The following LONRF2 variants were observed in gnomAD, a reference collection of about 807,000 sequenced individuals.
LONRF2 encodes LON peptidase N-terminal domain and ring finger 2, also known as LON peptidase N-terminal domain and RING finger protein 2.
A neutral mutation model predicts 66.6 loss-of-function variants in LONRF2; 35 were observed. The observed-to-expected ratio is 0.53, with a 90% CI of 0.40 to 0.70. The LOEUF is 0.70. LONRF2 is among the 30% of genes least tolerant of loss of function. LONRF2 has a pLI of 0.00. For synonymous variants in LONRF2, 417 were observed against 418.1 expected (o/e 1.00, Z 0.03); for missense variants, 902 against 1,002.1 (o/e 0.90, Z 1.35).
At chr2:100,307,369 C>G (rs1675319900) in intron 2 of LONRF2, among the ~76,000 whole-genome samples, 1 of 152,202 alleles carries the variant, frequency 6.6e-6, no homozygotes, top group Admixed American at 6.5e-5. Flanking sequence ...TGCTGCCTCC[C>G]TTGACAAGTT....
chr2:100,290,571 C>T (rs1226556175), intron 9 of LONRF2, 151 bp from the exon 10 acceptor site: 2 of 747,794 alleles, frequency 2.7e-6, no homozygotes, highest in African/African-American at 3.6e-5. Flanking sequence ...CGCTAAGAGA[C>T]ACGTGCACAT....
At chr2:100,289,448 T>C (rs1369518021) in intron 10 of LONRF2, among the ~76,000 whole-genome samples, 1 of 146,138 alleles carries the variant, frequency 6.8e-6, no homozygotes, top group Non-Finnish European at 1.5e-5. Context: ...TTTTTTTTTT[T>C]TTTTTGAGAT....
At chr2:100,290,750 G>A (rs1385322438) in intron 9 of LONRF2, among the ~76,000 whole-genome samples, 1 of 152,118 alleles carries the variant, frequency 6.6e-6, no homozygotes, top group East Asian at 1.9e-4. Context: ...CCACCTTGGC[G>A]GGGCACCATC....
At chr2:100,297,151 C>T (rs1181706181) in intron 7 of LONRF2, among the ~76,000 whole-genome samples, 4 of 150,940 alleles carry the variant, frequency 2.7e-5, no homozygotes, top group African/African-American at 9.8e-5. Context: ...CTTTTTGAGA[C>T]AGAGTCTCGC....
intron 1 of LONRF2, among the ~76,000 whole-genome samples, chr2:100,317,879 C>T (rs1467015427): frequency 6.6e-6 from 1 of 152,070 alleles, no homozygotes; most frequent in Non-Finnish European, 1.5e-5. Flanking sequence ...TTTAAATTCT[C>T]TTTATCTTTG....
At chr2:100,310,518 G>A (rs1446078554) in intron 1 of LONRF2, among the ~76,000 whole-genome samples, 2 of 152,228 alleles carry the variant, frequency 1.3e-5, no homozygotes, top group Middle Eastern at 3.4e-3. Context: ...AGCATACACC[G>A]AAGAACTTAC....
Position 100,306,073 on chromosome 2 carries a change from T to TG in LONRF2, c.799-3031_799-3030insC, listed in dbSNP as rs1275556141. On this transcript the variant is annotated intron_variant, in intron 2 of 11. Coordinates refer to ENST00000393437, the MANE Select transcript of LONRF2 (RefSeq NM_198461.4). ...CTGGCTAATTTTTTCTTGGCTATTT[T>TG]TTGTGTGTGTGTGTATTTTTAGTAG... 3.3e-5 allele frequency among the ~76,000 whole-genome samples: 5 copies of TG among 151,920 alleles called. No individual in the cohort carries two copies. The South Asian group carries it at 6.3e-4, about 19-fold the overall frequency.
chr2:100,303,508 G>A (rs759701201), intron 2 of LONRF2, among the ~76,000 whole-genome samples: 24 of 152,074 alleles, frequency 1.6e-4, no homozygotes, highest in Non-Finnish European at 2.9e-4. Flanking sequence ...ATTTCCCATG[G>A]CATTTTCTTT....
At chr2:100,316,368 A>ATTCTAATAATTATTAGAAT (rs1559183395) in intron 1 of LONRF2, among the ~76,000 whole-genome samples, 2 of 150,080 alleles carry the variant, frequency 1.3e-5, no homozygotes, top group African/African-American at 4.9e-5. Context: ...ATTATTAGAA[A>ATTCTAATAATTATTAGAAT]TTCTAATAAT....
chr2:100,299,397 C>A, intron 5 of LONRF2, 78 bp from the exon 6 acceptor site: 1 of 840,970 alleles, frequency 1.2e-6, no homozygotes, highest in South Asian at 2.2e-5. Context: ...TGTATTTTCT[C>A]TGGACCAAAC....
In LONRF2 at chr2:100,276,308, T is replaced by C. The variant is rs901110902; in HGVS notation, c.*7990A>G. On this transcript the variant is annotated 3_prime_UTR_variant, in exon 12 of 12. Transcript: ENST00000393437. ...AAATCTAAACATTGTACCCCTATAA[T>C]CTTTTTAAAAAGGCAACTAAATATA... 1 of 152,168 alleles carries C rather than the reference T, an allele frequency of 6.6e-6. No individual in the cohort carries two copies. The highest frequency in any genetic ancestry group is 2.4e-5 in the African/African-American group (1 of 41,428). The allele number at this position is 152,168 out of a possible 1,614,324, so 9.4% of individuals were successfully genotyped here.
intron 1 of LONRF2, among the ~76,000 whole-genome samples, chr2:100,316,399 T>C (rs534038553): frequency 7.3e-6 from 1 of 137,510 alleles, no homozygotes; most frequent in African/African-American, 3.5e-5. Flanking sequence ...ATTAGATAAT[T>C]AGAAAATTTT....
rs1407693221 is a variant in LONRF2 at position 100,281,862 on chromosome 2, A to C, written c.*2436T>G. 2 of 151,978 alleles carry C rather than the reference A, an allele frequency of 1.3e-5. No individual in the cohort carries two copies. The highest frequency in any genetic ancestry group is 2.9e-5 in the Non-Finnish European group (2 of 67,984). 9.4% of individuals were successfully genotyped at this position (151,978 alleles called of 1,614,324 possible). On this transcript the variant is annotated 3_prime_UTR_variant, in exon 12 of 12. Transcript: ENST00000393437. The stretch of plus-strand genomic sequence containing the variant: ...AAGCAGACCGTTCTGCTTTAGCTTA[A>C]TTGGTAGCAAACTGAAGCTGGGGTT...
In LONRF2 at chr2:100,279,573, T is replaced by G. The variant is rs1443681967; in HGVS notation, c.*4725A>C. ...TGTATTAATCATGATTTCTATATTT[T>G]ATGATATTTTGACATCTCAGGGGCC... is the stretch of plus-strand genomic sequence containing the variant. On this transcript the variant is annotated 3_prime_UTR_variant, in exon 12 of 12. Transcript: ENST00000393437. 6.6e-6 allele frequency: 1 copy of G among 152,188 alleles called. No homozygotes were observed. Among genetic ancestry groups the G allele is most frequent in the East Asian group, 1.9e-4 (1 of 5,196 alleles). 9.4% of individuals were successfully genotyped at this position (152,188 alleles called of 1,614,324 possible). A position where few individuals can be genotyped will look rare whatever the true frequency, so the allele number is the denominator to read the frequency against.
chr2:100,285,299 G>A (rs1467338862), intron 11 of LONRF2, among the ~76,000 whole-genome samples: 1 of 152,142 alleles, frequency 6.6e-6, no homozygotes, highest in Non-Finnish European at 1.5e-5. Context: ...GCTCACCAGG[G>A]GTAGCCCAAG....
In LONRF2 at chr2:100,283,910, TA is replaced by T; in HGVS notation, c.*387del. 6.2e-6 allele frequency: 1 copy of T among 160,184 alleles called. No homozygotes were observed. Among genetic ancestry groups the T allele is most frequent in the South Asian group, 2.0e-4 (1 of 5,110 alleles). The allele number at this position is 160,184 out of a possible 1,614,324, so 9.9% of individuals were successfully genotyped here. On this transcript the variant is annotated 3_prime_UTR_variant, in exon 12 of 12. Transcript: ENST00000393437. ...TGGTTCCCCCATATTGTCTACACACTAAAGCACGCCTTTACCATCTGGCAGA... is the reference window on the plus strand; with the variant it reads ...TGGTTCCCCCATATTGTCTACACACTAAGCACGCCTTTACCATCTGGCAGA...
At position 100,272,026 on chromosome 2, in the gene LONRF2, C is replaced by T. The variant is rs186437795; in HGVS notation, c.*12272G>A. Among the ~76,000 whole-genome samples, 59 of 152,324 alleles carry T rather than the reference C, an allele frequency of 3.9e-4. No homozygotes were observed. Among genetic ancestry groups the T allele is most frequent in the African/African-American group, 1.3e-3 (56 of 41,580 alleles). On this transcript the variant is annotated 3_prime_UTR_variant, in exon 12 of 12. Coordinates refer to ENST00000393437, the MANE Select transcript of LONRF2 (RefSeq NM_198461.4). Reference sequence around the variant, plus strand: ...ACAACTCACATATAAAAGACTTCATCAGAGGTTTTCCCAGATTTGACAACC... The same window carrying T: ...ACAACTCACATATAAAAGACTTCATTAGAGGTTTTCCCAGATTTGACAACC...
chr2:100,292,986 C>T (rs754526815), intron 9 of LONRF2, among the ~76,000 whole-genome samples: 5 of 152,200 alleles, frequency 3.3e-5, no homozygotes, highest in Non-Finnish European at 5.9e-5. Context: ...GGACCTGTTT[C>T]GGATCTCTAC....
chr2:100,320,148 G>C (rs1228463428), intron 1 of LONRF2, among the ~76,000 whole-genome samples: 1 of 151,986 alleles, frequency 6.6e-6, no homozygotes, highest in African/African-American at 2.4e-5. Context: ...GGATGTATAG[G>C]GTTAAAAATT....
Sources: gnomAD v4.1 joint callset for allele counts (sites outside exome capture counted in the v4.1 genomes callset) on GRCh38, gnomAD v4.1.1 for gene constraint, MANE v1.5 for transcripts, NCBI Gene and HGNC (gene_info 2026-07-23, HGNC 2026-07-21) for gene names.